Variants in SEMA3D observed in about 807,000 individuals in gnomAD.
SEMA3D encodes the protein semaphorin 3D.
Under a neutral mutation model 100.1 loss-of-function variants are expected in SEMA3D, and 84 were observed. That is an observed-to-expected ratio of 0.84 (90% confidence interval 0.70 to 1.01). The LOEUF (loss-of-function observed/expected upper bound fraction) is 1.01. Among genes scored for constraint, SEMA3D ranks in the 50% least tolerant of loss-of-function variants. The pLI, the probability that SEMA3D is intolerant of heterozygous loss-of-function variation, is 0.00. For synonymous variants in SEMA3D, 312 were observed against 320.7 expected, an observed-to-expected ratio of 0.97 and a Z score of 0.29; for missense variants, 875 against 934.1, an observed-to-expected ratio of 0.94 and a Z score of 0.82.
At chr7:85,167,347 A>C in intron 1 of SEMA3D, 1 of 983,450 alleles carries the variant, frequency 1.0e-6, no homozygotes, top group African/African-American at 1.7e-5. Context: ...TAGAAACATA[A>C]AGCATTTCAA....
At chr7:85,044,119 T>C (rs905597804) in intron 9 of SEMA3D, among the ~76,000 whole-genome samples, 7 of 152,050 alleles carry the variant, frequency 4.6e-5, no homozygotes, top group African/African-American at 1.4e-4. Context: ...TCTGTAAAGT[T>C]AATGAGAAGT....
chr7:85,050,359 T>A (rs943798721), intron 9 of SEMA3D: 1 of 163,116 alleles, frequency 6.1e-6, no homozygotes, highest in Non-Finnish European at 1.3e-5. Context: ...TTTCACAAAA[T>A]GAAAGAACTG....
At chr7:85,167,420 C>A (rs1439344535) in intron 1 of SEMA3D, 1 of 978,894 alleles carries the variant, frequency 1.0e-6, no homozygotes, top group African/African-American at 1.8e-5. Flanking sequence ...AAATTTTCAC[C>A]TTTGAATGAT....
At chr7:85,175,827 G>A (rs544216189) in intron 1 of SEMA3D, among the ~76,000 whole-genome samples, 3 of 151,952 alleles carry the variant, frequency 2.0e-5, no homozygotes, top group Non-Finnish European at 4.4e-5. Flanking sequence ...GAAGAGACAA[G>A]ACCGGAGATA....
At chr7:85,054,430 A>T (rs1256961115) in intron 9 of SEMA3D, among the ~76,000 whole-genome samples, 1 of 152,094 alleles carries the variant, frequency 6.6e-6, no homozygotes, top group Non-Finnish European at 1.5e-5. Flanking sequence ...AACAACAGGC[A>T]TTCATCTCTA....
At chr7:85,114,692 G>T (rs1379307758) in intron 3 of SEMA3D, among the ~76,000 whole-genome samples, 1 of 152,050 alleles carries the variant, frequency 6.6e-6, no homozygotes, top group African/African-American at 2.4e-5. Flanking sequence ...AACGAATACT[G>T]AATATAAGAA....
At chr7:85,094,808 T>A (rs1322864186) in intron 4 of SEMA3D, among the ~76,000 whole-genome samples, 1 of 151,956 alleles carries the variant, frequency 6.6e-6, no homozygotes, top group East Asian at 1.9e-4. Flanking sequence ...AGAGAGGCCT[T>A]ACGGACCAAC....
At chr7:85,139,389 G>C (rs941302246) in intron 2 of SEMA3D, among the ~76,000 whole-genome samples, 1 of 151,910 alleles carries the variant, frequency 6.6e-6, no homozygotes, top group African/African-American at 2.4e-5. Flanking sequence ...CAAAAATATC[G>C]TTATTCAAAT....
intron 2 of SEMA3D, among the ~76,000 whole-genome samples, chr7:85,137,061 A>G (rs1190017454): frequency 6.6e-6 from 1 of 152,116 alleles, no homozygotes; most frequent in Non-Finnish European, 1.5e-5. Context: ...AACAACATAC[A>G]TAGACTTTTT....
the SEMA3D span, among the ~76,000 whole-genome samples, chr7:85,227,006 G>A: frequency 6.6e-6 from 1 of 152,144 alleles, no homozygotes; most frequent in Admixed American, 6.5e-5. Flanking sequence ...ATAAAAATAA[G>A]ATTGAATTGT....
intron 9 of SEMA3D, among the ~76,000 whole-genome samples, chr7:85,047,267 T>C (rs1791035856): frequency 6.6e-6 from 1 of 151,944 alleles, no homozygotes; most frequent in African/African-American, 2.4e-5. Flanking sequence ...ATGTTACGAA[T>C]TACTAAGATC....
At chr7:85,078,625 C>G (rs989932005) in intron 5 of SEMA3D, among the ~76,000 whole-genome samples, 13 of 152,154 alleles carry the variant, frequency 8.5e-5, no homozygotes, top group Non-Finnish European at 1.9e-4. Context: ...ATCTTTCTGT[C>G]ATCTCTACCC....
intron 4 of SEMA3D, among the ~76,000 whole-genome samples, chr7:85,082,494 A>T (rs1788093711): frequency 6.6e-6 from 1 of 152,230 alleles, no homozygotes; most frequent in Non-Finnish European, 1.5e-5. Flanking sequence ...AGCAAGAAGG[A>T]ACAAGAAAAG....
At chr7:85,169,245 A>T (rs1461413415) in intron 1 of SEMA3D, among the ~76,000 whole-genome samples, 1 of 151,824 alleles carries the variant, frequency 6.6e-6, no homozygotes, top group Non-Finnish European at 1.5e-5. Flanking sequence ...AAAAACCTTC[A>T]GACACTAGTT....
the SEMA3D span, among the ~76,000 whole-genome samples, chr7:85,248,062 C>T: frequency 6.1e-4 from 92 of 151,720 alleles, no homozygotes; most frequent in African/African-American, 2.1e-3. Context: ...ACAGACTGGA[C>T]AAAATATTTG....
rs2115687086 is a variant in SEMA3D at position 84,998,552 on chromosome 7, A to C, written c.*888T>G. 6.6e-6 allele frequency: 1 copy of C among 152,104 alleles called. No individual in the cohort carries two copies. The highest frequency in any genetic ancestry group is 1.9e-4 in the East Asian group (1 of 5,166). The allele number at this position is 152,104 out of a possible 1,614,324, so 9.4% of individuals were successfully genotyped here. A position where few individuals can be genotyped will look rare whatever the true frequency, so the allele number is the denominator to read the frequency against. ...GTGATTGTTCTTCCTTTTCATGGGG[A>C]TATGAGTTTTCCCCAAAGCCAGAAT... On this transcript the variant is annotated 3_prime_UTR_variant, in exon 19 of 19. Coordinates refer to ENST00000284136, the MANE Select transcript of SEMA3D (RefSeq NM_001384900.1).
chr7:85,215,410 C>T, the SEMA3D span, among the ~76,000 whole-genome samples: 1 of 152,106 alleles, frequency 6.6e-6, no homozygotes, highest in Non-Finnish European at 1.5e-5. Flanking sequence ...TTATCTGGAG[C>T]AGCTTGAATT....
At chr7:85,243,042 G>A in the SEMA3D span, among the ~76,000 whole-genome samples, 1 of 152,140 alleles carries the variant, frequency 6.6e-6, no homozygotes, top group South Asian at 2.1e-4. Context: ...ACTCTGGACT[G>A]TTATCACCAA....
chr7:85,080,442 T>C (rs552894650), intron 5 of SEMA3D, among the ~76,000 whole-genome samples: 3 of 152,294 alleles, frequency 2.0e-5, no homozygotes, highest in East Asian at 3.9e-4. Flanking sequence ...AATCTATTCA[T>C]CCTTTCATAT....
Sources: gnomAD v4.1 joint callset for allele counts (sites outside exome capture counted in the v4.1 genomes callset) on GRCh38, gnomAD v4.1.1 for gene constraint, MANE v1.5 for transcripts, NCBI Gene and HGNC (gene_info 2026-07-23, HGNC 2026-07-21) for gene names.